The following KIAA1755 variants were observed in gnomAD, a reference collection of about 807,000 sequenced individuals.
KIAA1755 encodes uncharacterized protein KIAA1755.
Under a neutral mutation model 91.7 loss-of-function variants are expected in KIAA1755, and 68 were observed. That is an observed-to-expected ratio of 0.74 (90% CI 0.61 to 0.91). The LOEUF is 0.91. Among genes scored for constraint, KIAA1755 ranks in the 40% least tolerant of loss-of-function variants. KIAA1755 has a pLI of 0.00. For missense variants in KIAA1755, 1,535 were observed against 1,494.4 expected (o/e 1.03, Z -0.45); for synonymous variants, 610 against 604.6 (o/e 1.01, Z -0.13).
At chr20:38,229,285 A>G (rs976762831) in intron 5 of KIAA1755, among the ~76,000 whole-genome samples, 5 of 152,212 alleles carry the variant, frequency 3.3e-5, no homozygotes, top group African/African-American at 1.2e-4. Context: ...TATGGGCTGT[A>G]GTGAGGACTG....
chr20:38,257,921 C>CA (rs2076367859), intron 1 of KIAA1755, among the ~76,000 whole-genome samples: 1 of 146,584 alleles, frequency 6.8e-6, no homozygotes, highest in Non-Finnish European at 1.5e-5. Context: ...TTTTTTGAGA[C>CA]AAAGTCTCGC....
In KIAA1755 at chr20:38,213,074, A is replaced by G. The variant is rs2075475808; in HGVS notation, c.3571T>C (p.Ser1191Pro). Reference sequence around the variant, plus strand: ...GAGGCAAGGGGACTTGTCTGGGGTGAGTCCTCAAGGGATGTCTGTGAGTCT... The same window carrying G: ...GAGGCAAGGGGACTTGTCTGGGGTGGGTCCTCAAGGGATGTCTGTGAGTCT... ...GTDSQTSLED[S>P]PQTSPLASL The change falls in exon 14 of 14, where the codon TCA (serine) becomes CCA (proline). Residue 1191 changes from serine (S) to proline (P), a missense_variant. Physicochemically the swap from Ser to Pro is moderately conservative, Grantham distance 74. Coordinates refer to ENST00000279024, the MANE Select transcript of KIAA1755 (RefSeq NM_001029864.2). The G allele has an allele frequency of 6.4e-7, 1 of 1,563,374 alleles. No homozygotes were observed.
intron 1 of KIAA1755, among the ~76,000 whole-genome samples, chr20:38,258,724 G>A (rs1010217557): frequency 5.3e-5 from 8 of 152,138 alleles, no homozygotes; most frequent in African/African-American, 1.2e-4. Flanking sequence ...TAAGAGGCTC[G>A]CAAGCAAGGC....
intron 7 of KIAA1755, among the ~76,000 whole-genome samples, chr20:38,226,428 G>A (rs1335820972): frequency 6.6e-6 from 1 of 152,154 alleles, no homozygotes; most frequent in East Asian, 1.9e-4. Flanking sequence ...GGACATGTTG[G>A]AAATTCAGAG....
chr20:38,234,370 C>T (rs1390026702), intron 4 of KIAA1755, among the ~76,000 whole-genome samples: 1 of 152,220 alleles, frequency 6.6e-6, no homozygotes, highest in Non-Finnish European at 1.5e-5. Flanking sequence ...CTTCCCCAGT[C>T]CCAGGTTCCC....
chr20:38,239,797 C>A (rs768378493), intron 3 of KIAA1755, 72 bp from the exon 4 acceptor site: 20 of 1,299,006 alleles, frequency 1.5e-5, no homozygotes, highest in Non-Finnish European at 2.2e-5. Flanking sequence ...AACGTCTCCT[C>A]TTTCTCTTTC....
chr20:38,222,620 T>C (rs1319628855), intron 9 of KIAA1755, 23 bp from the exon 10 acceptor site: 1 of 1,608,496 alleles, frequency 6.2e-7, no homozygotes, highest in South Asian at 1.1e-5. Flanking sequence ...GGAGGTGCCC[T>C]GAGGCCCCAT....
intron 1 of KIAA1755, among the ~76,000 whole-genome samples, chr20:38,258,424 G>A (rs1393894515): frequency 6.6e-6 from 1 of 152,188 alleles, no homozygotes; most frequent in African/African-American, 2.4e-5. Flanking sequence ...CATGGGACAG[G>A]ATCAACCCTA....
intron 7 of KIAA1755, among the ~76,000 whole-genome samples, chr20:38,226,016 C>T (rs994832243): frequency 1.3e-5 from 2 of 152,240 alleles, no homozygotes; most frequent in Non-Finnish European, 2.9e-5. Context: ...CTGCCACTCT[C>T]CTAGCTTGTG....
chr20:38,231,766 C>G (rs1235660553), intron 4 of KIAA1755, among the ~76,000 whole-genome samples: 3 of 152,212 alleles, frequency 2.0e-5, no homozygotes, highest in African/African-American at 7.2e-5. Flanking sequence ...TCCTGAGAAG[C>G]ACTTAATACA....
chr20:38,237,742 T>G (rs2075983689), intron 4 of KIAA1755, among the ~76,000 whole-genome samples: 1 of 148,556 alleles, frequency 6.7e-6, no homozygotes, highest in Non-Finnish European at 1.5e-5. Flanking sequence ...GGGCAGTGGG[T>G]GACCTGGAAA....
intron 7 of KIAA1755, 31 bp from the exon 8 acceptor site, chr20:38,225,812 A>G: frequency 2.2e-6 from 3 of 1,358,722 alleles, no homozygotes; most frequent in Non-Finnish European, 3.0e-6. Flanking sequence ...AGAACCAGGG[A>G]CTCAAAGTGA....
At chr20:38,213,814 G>T in intron 13 of KIAA1755, 71 bp from the exon 14 acceptor site, 1 of 1,112,912 alleles carries the variant, frequency 9.0e-7, no homozygotes, top group Non-Finnish European at 1.2e-6. Flanking sequence ...GAATTAATAA[G>T]TGCCCAATGC....
intron 11 of KIAA1755, among the ~76,000 whole-genome samples, chr20:38,218,662 C>T (rs1449105032): frequency 6.6e-6 from 1 of 152,236 alleles, no homozygotes; most frequent in African/African-American, 2.4e-5. Flanking sequence ...CTTCAGGCTA[C>T]TCTAACCACT....
In KIAA1755 at chr20:38,241,107, T is replaced by C; in HGVS notation, c.1024A>G (p.Ser342Gly). The change falls in exon 3 of 14, where the codon AGC (serine) becomes GGC (glycine). Residue 342 changes from serine to glycine, a missense_variant. Coordinates refer to ENST00000279024, the MANE Select transcript of KIAA1755 (RefSeq NM_001029864.2). ...AAATTATAGGGCCTCTCCTCAGAGC[T>C]TTCTGGCTTTGTGCAAGCCCGATTT... ...LGNRACTKPE[S>G]SEERPYNLGF... 1 of 1,614,140 alleles carries C rather than the reference T, an allele frequency of 6.2e-7. No individual in the cohort carries two copies. The highest frequency in any genetic ancestry group is 8.5e-7 in the Non-Finnish European group (1 of 1,180,000).
chr20:38,243,932 A>T (rs2076110744), intron 2 of KIAA1755, among the ~76,000 whole-genome samples: 1 of 152,098 alleles, frequency 6.6e-6, no homozygotes, highest in Admixed American at 6.5e-5. Context: ...TTTCTGCTTG[A>T]CACATAAGGA....
chr20:38,225,378 T>G (rs1470136068), intron 8 of KIAA1755, among the ~76,000 whole-genome samples: 1 of 152,090 alleles, frequency 6.6e-6, no homozygotes, highest in Non-Finnish European at 1.5e-5. Context: ...AAAAACCCCA[T>G]GAGGAGGTAC....
intron 13 of KIAA1755, among the ~76,000 whole-genome samples, chr20:38,214,565 T>C (rs1383843468): frequency 2.6e-5 from 4 of 152,294 alleles, no homozygotes; most frequent in South Asian, 2.1e-4. Flanking sequence ...CTAGGTCACA[T>C]AGCAAGTCAG....
Position 38,246,045 on chromosome 20 carries a change from G to T in KIAA1755, c.85C>A (p.Leu29Met). Residue 29 changes from leucine to methionine, a missense_variant, in exon 2 of 14, where the codon CTG (leucine) becomes ATG (methionine). Physicochemically the swap from Leu to Met is conservative, Grantham distance 15 (BLOSUM62 2). Coordinates refer to ENST00000279024, the MANE Select transcript of KIAA1755 (RefSeq NM_001029864.2). ...TCCAGGAGACGGAACACCTGACCCAGGACGGTGGGTGCTGTGGCCTCGAAA... is the reference window on the plus strand; with the variant it reads ...TCCAGGAGACGGAACACCTGACCCATGACGGTGGGTGCTGTGGCCTCGAAA... ...PPFEATAPTVLGQVFRLLDSG... is the reference protein window; with the variant it reads ...PPFEATAPTVMGQVFRLLDSG... The T allele has an allele frequency of 6.2e-7, 1 of 1,614,198 alleles. No homozygotes were observed. The highest frequency in any genetic ancestry group is 1.1e-5 in the South Asian group (1 of 91,082).
Sources: gnomAD v4.1 joint callset for allele counts (sites outside exome capture counted in the v4.1 genomes callset) on GRCh38, gnomAD v4.1.1 for gene constraint, MANE v1.5 for transcripts, NCBI Gene and HGNC (gene_info 2026-07-23, HGNC 2026-07-21) for gene names.